Variants in UBN1 observed in about 807,000 individuals in gnomAD.
The protein encoded by UBN1 is ubinuclein-1.
A neutral mutation model predicts 108.5 loss-of-function variants in UBN1; 17 were observed. That is an observed-to-expected ratio of 0.16 (90% confidence interval 0.11 to 0.24). The LOEUF (loss-of-function observed/expected upper bound fraction) is 0.24. UBN1 is among the 10% of genes least tolerant of loss of function. The probability of loss-of-function intolerance (pLI) is 1.00; values close to 1 mark genes in which losing one functional copy is unlikely to be tolerated. For synonymous variants in UBN1, 726 were observed against 564.2 expected (o/e 1.29, Z -4.07); for missense variants, 1,595 against 1,394.4 (o/e 1.14, Z -2.29).
Position 4,860,895 on chromosome 16 carries a change from G to A in UBN1, c.903G>A (p.Leu301=). ...SLFGSTSDND[L]LQAATAMDSL... Reference sequence around the variant, plus strand: ...TTGGCTCTACTTCTGACAACGACTTGCTCCAGGCGGCCACTGCCATGGACT... The same window carrying A: ...TTGGCTCTACTTCTGACAACGACTTACTCCAGGCGGCCACTGCCATGGACT... The change falls in exon 7 of 18, where the codon TTG becomes TTA. Residue 301 remains leucine, a synonymous_variant. Coordinates refer to ENST00000262376, the MANE Select transcript of UBN1 (RefSeq NM_001079514.3). The A allele has an allele frequency of 6.2e-7, 1 of 1,614,254 alleles. No individual in the cohort carries two copies. The highest frequency in any genetic ancestry group is 8.5e-7 in the Non-Finnish European group (1 of 1,180,046).
chr16:4,875,703 GCTGT>G (rs1396060595), intron 15 of UBN1, among the ~76,000 whole-genome samples: 2 of 152,192 alleles, frequency 1.3e-5, no homozygotes, highest in African/African-American at 4.8e-5. Context: ...CTCTTCGGAG[GCTGT>G]CTGTGTGGCA....
chr16:4,853,930 A>G (rs1462930867), intron 2 of UBN1, among the ~76,000 whole-genome samples: 1 of 152,150 alleles, frequency 6.6e-6, no homozygotes, highest in Non-Finnish European at 1.5e-5. Context: ...AAATATATTT[A>G]TCAGGACCCC....
chr16:4,856,337 C>T (rs1008864408), intron 2 of UBN1, among the ~76,000 whole-genome samples: 1 of 152,198 alleles, frequency 6.6e-6, no homozygotes, highest in African/African-American at 2.4e-5. Flanking sequence ...CCTAAATCGT[C>T]GTGGGTCTAC....
At chr16:4,879,495 A>G (rs1426795724) in intron 17 of UBN1, among the ~76,000 whole-genome samples, 1 of 151,612 alleles carries the variant, frequency 6.6e-6, no homozygotes, top group Non-Finnish European at 1.5e-5. Flanking sequence ...GGAAAAAGAA[A>G]ATCAATCAGA....
intron 8 of UBN1, among the ~76,000 whole-genome samples, chr16:4,869,400 C>T (rs749777898): frequency 7.2e-5 from 11 of 152,376 alleles, no homozygotes; most frequent in Admixed American, 2.6e-4. Context: ...TGAGACACCA[C>T]GCTGTGTGAA....
intron 2 of UBN1, among the ~76,000 whole-genome samples, chr16:4,853,668 C>G (rs1190466610): frequency 6.6e-6 from 1 of 151,868 alleles, no homozygotes; most frequent in Non-Finnish European, 1.5e-5. Flanking sequence ...AGTGATTCTC[C>G]TGCCTCAACC....
At chr16:4,862,720 C>T (rs540706012) in intron 7 of UBN1, among the ~76,000 whole-genome samples, 2 of 152,226 alleles carry the variant, frequency 1.3e-5, no homozygotes, top group Non-Finnish European at 2.9e-5. Context: ...TGAAAACTTA[C>T]TGTTTCACTT....
chr16:4,874,480 C>T lies in UBN1; in HGVS notation c.2070C>T (p.Asn690=). The stretch of plus-strand genomic sequence containing the variant: ...CATTGAATAGCAGAGCAGCTGGGAA[C>T]TCTGAATTCACACTGCCTGCACCCT... ...LAALNSRAAG[N]SEFTLPAPSK... The change falls in exon 15 of 18, where the codon AAC becomes AAT. Residue 690 remains asparagine, a synonymous_variant. Coordinates refer to ENST00000262376, the MANE Select transcript of UBN1 (RefSeq NM_001079514.3). 6.2e-7 allele frequency: 1 copy of T among 1,614,228 alleles called. No individual in the cohort carries two copies. Among genetic ancestry groups the T allele is most frequent in the Non-Finnish European group, 8.5e-7 (1 of 1,180,054 alleles).
At position 4,871,169 on chromosome 16, in the gene UBN1, A is replaced by G. The variant is rs756976761; in HGVS notation, c.1574A>G (p.Gln525Arg). The G allele has an allele frequency of 2.2e-5, 35 of 1,614,104 alleles. No homozygotes were observed. The East Asian group carries it at 7.6e-4, about 35-fold the overall frequency. The stretch of plus-strand genomic sequence containing the variant: ...CTCCTTCTCAGGGAGCTACTGTGCC[A>G]GGTGGTGAAGATCAAACTGGAGAGC... Reference protein sequence around the residue: ...WNDEIRELLCQVVKIKLESQD... With the variant: ...WNDEIRELLCRVVKIKLESQD... Residue 525 changes from glutamine (Q) to arginine (R), a missense_variant, in exon 12 of 18, where the codon CAG becomes CGG. By Grantham distance (43) the Gln-to-Arg change is conservative. Transcript: ENST00000262376.
rs770372941 is a variant in UBN1 at position 4,875,070 on chromosome 16, C to G, written c.2660C>G (p.Ala887Gly). The change falls in exon 15 of 18, where the codon GCA becomes GGA. Residue 887 changes from alanine to glycine, a missense_variant. By Grantham distance (60) the Ala-to-Gly change is moderately conservative. Transcript: ENST00000262376. ...ASSSSALSHP[A>G]KPHSVSSAGS... is the part of the protein sequence containing the mutation. ...TCCTCTTCTGCCCTGAGCCATCCAG[C>G]AAAGCCACATTCAGTCAGCTCTGCA... 1 of 1,614,044 alleles carries G rather than the reference C, an allele frequency of 6.2e-7. No individual in the cohort carries two copies. Among genetic ancestry groups the G allele is most frequent in the Non-Finnish European group, 8.5e-7 (1 of 1,180,054 alleles).
At chr16:4,851,089 G>C (rs1033851776) in intron 1 of UBN1, among the ~76,000 whole-genome samples, 1 of 152,202 alleles carries the variant, frequency 6.6e-6, no homozygotes, top group Admixed American at 6.5e-5. Flanking sequence ...ATCAGCAGAG[G>C]AAGGAAGGAT....
chr16:4,858,667 A>G lies in UBN1; in HGVS notation c.432+4A>G. On this transcript the variant is annotated splice_donor_region_variant and intron_variant, in intron 4 of 17. Coordinates refer to ENST00000262376, the MANE Select transcript of UBN1 (RefSeq NM_001079514.3). Reference sequence around the variant, plus strand: ...CTTCATCGATAACTCTGAGGCGGTAAGTAGTTACTGAAAATGCCGTGTCAG... The same window carrying G: ...CTTCATCGATAACTCTGAGGCGGTAGGTAGTTACTGAAAATGCCGTGTCAG... 6.2e-7 allele frequency: 1 copy of G among 1,613,858 alleles called. No homozygotes were observed. Among genetic ancestry groups the G allele is most frequent in the Non-Finnish European group, 8.5e-7 (1 of 1,179,748 alleles).
intron 3 of UBN1, 95 bp downstream of exon 3, chr16:4,858,171 G>A: frequency 1.2e-6 from 1 of 841,634 alleles, no homozygotes; most frequent in South Asian, 1.4e-5. Flanking sequence ...AATAAACACT[G>A]ATCTGGAAGT....
chr16:4,869,584 G>A (rs1043890392), intron 8 of UBN1, among the ~76,000 whole-genome samples: 3 of 152,170 alleles, frequency 2.0e-5, no homozygotes, highest in Admixed American at 6.5e-5. Flanking sequence ...TCAAAATGTG[G>A]GTGTTCTACC....
Position 4,873,050 on chromosome 16 carries a change from G to A in UBN1, c.1777G>A (p.Ala593Thr), listed in dbSNP as rs780876811. Reference protein sequence around the residue: ...TSILAKKKVMAPSKIKVKESS... With the variant: ...TSILAKKKVMTPSKIKVKESS... ...GAACAGGGCCAAGAAGAAAGTTATGGCCCCTTCTAAAATCAAGGTGAAGGT... is the reference window on the plus strand; with the variant it reads ...GAACAGGGCCAAGAAGAAAGTTATGACCCCTTCTAAAATCAAGGTGAAGGT... The change falls in exon 14 of 18, where the codon GCC becomes ACC. Residue 593 changes from alanine to threonine, a missense_variant. Physicochemically the swap from Ala to Thr is moderately conservative, Grantham distance 58. Transcript: ENST00000262376. 3.7e-6 allele frequency: 6 copies of A among 1,614,032 alleles called. No homozygotes were observed. Among genetic ancestry groups the A allele is most frequent in the Non-Finnish European group, 5.1e-6 (6 of 1,180,046 alleles).
At chr16:4,878,086 T>C (rs1293801247) in intron 17 of UBN1, among the ~76,000 whole-genome samples, 2 of 152,084 alleles carry the variant, frequency 1.3e-5, no homozygotes, top group East Asian at 1.9e-4. Context: ...TCTTCTGAAA[T>C]AGGGAACTTC....
Position 4,876,231 on chromosome 16 carries a change from T to G in UBN1, c.3025-640T>G, listed in dbSNP as rs1387775015. Among the ~76,000 whole-genome samples the G allele has an allele frequency of 2.0e-5, 3 of 152,206 alleles. No homozygotes were observed. In the East Asian group the frequency reaches 5.8e-4, roughly 29 times the overall value. On this transcript the variant is annotated intron_variant, in intron 15 of 17. Transcript: ENST00000262376. ...CCTCGGCCTCCCAAAGTGCTGGGAT[T>G]GCAGGTGTGAGCCACTGCACCCGGC... is the stretch of plus-strand genomic sequence containing the variant.
In UBN1 at chr16:4,877,169, TC is replaced by T; in HGVS notation, c.3265+60del. The T allele has an allele frequency of 6.5e-7, 1 of 1,547,470 alleles. No homozygotes were observed. Among genetic ancestry groups the T allele is most frequent in the Non-Finnish European group, 8.7e-7 (1 of 1,151,104 alleles). On this transcript the variant is annotated intron_variant, in intron 16 of 17. Coordinates refer to ENST00000262376, the MANE Select transcript of UBN1 (RefSeq NM_001079514.3). The surrounding 1 kb of genome is among the most constrained non-coding windows in gnomAD (Gnocchi z 4.3). ...GGAACCTCTAGATTGTGGCCAGGGGTCCTGCTGTTGTGTACTCTGGTTCCTG... is the reference window on the plus strand; with the variant it reads ...GGAACCTCTAGATTGTGGCCAGGGGTCTGCTGTTGTGTACTCTGGTTCCTG...
chr16:4,875,377 C>T lies in UBN1; in HGVS notation c.2967C>T (p.Thr989=). The T allele has an allele frequency of 6.2e-7, 1 of 1,614,152 alleles. No homozygotes were observed. Among genetic ancestry groups the T allele is most frequent in the Non-Finnish European group, 8.5e-7 (1 of 1,180,032 alleles). ...GGTQGVAKLL[T]SPSLKPSAVS... is the part of the protein sequence containing the mutation. ...CCCAGGGAGTGGCAAAGTTGCTGAC[C>T]TCGCCGTCCCTAAAGCCCTCTGCAG... Residue 989 remains threonine (T), a synonymous_variant, in exon 15 of 18, where the codon ACC becomes ACT. Transcript: ENST00000262376.
Sources: allele counts gnomAD v4.1 joint callset (sites outside exome capture counted in the v4.1 genomes callset), GRCh38; gene constraint gnomAD v4.1.1; non-coding constraint Gnocchi (gnomAD v3.1); transcripts MANE v1.5; gene names NCBI Gene and HGNC (gene_info 2026-07-23, HGNC 2026-07-21).